The following LRBA variants were observed in gnomAD, a reference collection of about 807,000 sequenced individuals.
The protein encoded by LRBA is LPS responsive beige-like anchor protein, also known as lipopolysaccharide-responsive and beige-like anchor protein.
LRBA carries 176 observed loss-of-function variants against 330.0 expected under a neutral mutation model. The ratio of observed to expected loss-of-function variants is 0.53; its 90% CI spans 0.47 to 0.60. LRBA has a LOEUF of 0.60. LRBA is among the 20% of genes least tolerant of loss of function. LRBA has a pLI of 0.00. For synonymous variants in LRBA, 1,230 were observed against 1,193.0 expected (o/e 1.03, Z -0.64); for missense variants, 3,259 against 3,444.8 (o/e 0.95, Z 1.35).
At chr4:150,652,714 G>A (rs923634514) in intron 37 of LRBA, among the ~76,000 whole-genome samples, 7 of 152,026 alleles carry the variant, frequency 4.6e-5, no homozygotes, top group African/African-American at 1.7e-4. Flanking sequence ...TCCAAATCCA[G>A]TGAGCATTTT....
intron 40 of LRBA, among the ~76,000 whole-genome samples, chr4:150,578,064 T>C (rs1770764575): frequency 6.6e-6 from 1 of 152,230 alleles, no homozygotes; most frequent in South Asian, 2.1e-4. Flanking sequence ...ACTTCCATAC[T>C]GTTTTCCTAT....
chr4:150,592,159 T>TG (rs1554061680), intron 38 of LRBA, among the ~76,000 whole-genome samples: 1 of 143,914 alleles, frequency 6.9e-6, no homozygotes, highest in Admixed American at 7.0e-5. Context: ...TTTTTTTTTT[T>TG]TTTTTTTTTT....
At chr4:151,002,441 T>G (rs1014187421) in intron 2 of LRBA, among the ~76,000 whole-genome samples, 5 of 151,670 alleles carry the variant, frequency 3.3e-5, no homozygotes, top group Non-Finnish European at 7.4e-5. Context: ...GGTGGGTGCC[T>G]GTAATCCCAG....
intron 56 of LRBA, among the ~76,000 whole-genome samples, chr4:150,270,816 CATATGCAGAG>C (rs1387566002): frequency 2.0e-5 from 3 of 152,144 alleles, no homozygotes; most frequent in Admixed American, 1.3e-4. Context: ...GGGGACTCTC[CATATGCAGAG>C]ATATGCAGAG....
At chr4:150,888,634 C>T (rs550995107) in intron 17 of LRBA, among the ~76,000 whole-genome samples, 9 of 151,760 alleles carry the variant, frequency 5.9e-5, no homozygotes, top group Non-Finnish European at 1.0e-4. Context: ...AAAAAAGTTA[C>T]ACAAAGAGAT....
intron 33 of LRBA, among the ~76,000 whole-genome samples, chr4:150,803,253 C>A (rs7677186): frequency 0.089 from 13,421 of 151,244 alleles, 1,028 homozygotes; most frequent in African/African-American, 0.22. Flanking sequence ...AAGAAAATGT[C>A]TTTTTTTACA....
rs142118671 is a variant in LRBA at position 150,982,915 on chromosome 4, G to A, written c.216+31512C>T. ...CACAAAAGGTGCAGAACTGGAAAGT[G>A]GGAGAAGAAAACTGTATACCAAATT... On this transcript the variant is annotated intron_variant, in intron 2 of 56. Transcript: ENST00000651943. 2.7e-3 allele frequency among the ~76,000 whole-genome samples: 409 copies of A among 152,240 alleles called. 2 individuals carry two copies. Among genetic ancestry groups the A allele is most frequent in the African/African-American group, 6.9e-3 (288 of 41,538 alleles).
At chr4:150,838,412 T>C (rs1291397522) in intron 28 of LRBA, among the ~76,000 whole-genome samples, 1 of 152,216 alleles carries the variant, frequency 6.6e-6, no homozygotes, top group African/African-American at 2.4e-5. Flanking sequence ...ACTCTCCCCA[T>C]CACTTTCAGG....
At chr4:150,786,374 G>A (rs1739061142) in intron 34 of LRBA, among the ~76,000 whole-genome samples, 1 of 151,634 alleles carries the variant, frequency 6.6e-6, no homozygotes, top group East Asian at 1.9e-4. Flanking sequence ...CTCCCGAGCA[G>A]CTGGGACTAC....
At chr4:150,328,902 C>G (rs1223574040) in intron 48 of LRBA, among the ~76,000 whole-genome samples, 1 of 152,140 alleles carries the variant, frequency 6.6e-6, no homozygotes, top group Non-Finnish European at 1.5e-5. Flanking sequence ...TTTAATATAA[C>G]TGGCCTTAAT....
chr4:150,828,922 G>GGTGTGTGTGTGTGTGTGTGT (rs753950457), intron 29 of LRBA, among the ~76,000 whole-genome samples: 8 of 106,234 alleles, frequency 7.5e-5, no homozygotes, highest in African/African-American at 1.8e-4. Flanking sequence ...CTTTTTTGGG[G>GGTGTGTGTGTGTGTGTGTGT]GTGTGTGTGT....
At chr4:150,890,807 C>G (rs1729382669) in intron 17 of LRBA, among the ~76,000 whole-genome samples, 1 of 152,132 alleles carries the variant, frequency 6.6e-6, no homozygotes, top group Non-Finnish European at 1.5e-5. Context: ...AATTCACACA[C>G]TAAGACTAAA....
chr4:150,871,437 T>C lies in LRBA; in HGVS notation c.2275A>G (p.Met759Val). 2 of 1,607,846 alleles carry C rather than the reference T, an allele frequency of 1.2e-6. No individual in the cohort carries two copies. Among genetic ancestry groups the C allele is most frequent in the South Asian group, 1.1e-5 (1 of 90,746 alleles). ...AATGAAAACAATCCATGTCCAAGCATGACTTCTGCTTTCCTCCTGCAATTA... is the reference window on the plus strand; with the variant it reads ...AATGAAAACAATCCATGTCCAAGCACGACTTCTGCTTTCCTCCTGCAATTA... The part of the protein sequence containing the change: ...HLAPKRKAEV[M>V]LGHGLFSLLA... The change falls in exon 19 of 57, where the codon ATG becomes GTG. Residue 759 changes from methionine to valine, a missense_variant. By Grantham distance (21) the Met-to-Val change is conservative. Coordinates refer to ENST00000651943, the MANE Select transcript of LRBA (RefSeq NM_001364905.1).
chr4:150,997,708 T>A (rs1033868133), intron 2 of LRBA, among the ~76,000 whole-genome samples: 2 of 152,176 alleles, frequency 1.3e-5, no homozygotes, highest in East Asian at 1.9e-4. Context: ...TTTTTTTTTT[T>A]AATAATCCTT....
intron 37 of LRBA, among the ~76,000 whole-genome samples, chr4:150,681,592 G>A (rs1239820765): frequency 6.6e-6 from 1 of 152,132 alleles, no homozygotes; most frequent in Non-Finnish European, 1.5e-5. Context: ...GTTACATATT[G>A]TTTTTTAATG....
chr4:150,449,977 ACC>A (rs1365183987), intron 44 of LRBA, among the ~76,000 whole-genome samples: 1 of 151,966 alleles, frequency 6.6e-6, no homozygotes, highest in Non-Finnish European at 1.5e-5. Context: ...TGACCTCAAC[ACC>A]CCAATTAAAA....
chr4:150,302,136 C>G (rs1030507961), intron 53 of LRBA, among the ~76,000 whole-genome samples: 2 of 152,126 alleles, frequency 1.3e-5, no homozygotes, highest in Admixed American at 1.3e-4. Flanking sequence ...TTTTCATTTC[C>G]CATCTGAAAA....
chr4:150,471,785 TAATA>T, intron 42 of LRBA, 46 bp from the exon 43 acceptor site: 1 of 861,622 alleles, frequency 1.2e-6, no homozygotes, highest in Non-Finnish European at 1.9e-6. Context: ...TATATCACAA[TAATA>T]AATCATGAAT....
At chr4:150,636,702 C>T (rs1410361650) in intron 37 of LRBA, among the ~76,000 whole-genome samples, 2 of 152,184 alleles carry the variant, frequency 1.3e-5, no homozygotes, top group African/African-American at 4.8e-5. Flanking sequence ...AGCTGGAGTG[C>T]AGTGACACAA....
Sources: gnomAD v4.1 joint callset for allele counts (sites outside exome capture counted in the v4.1 genomes callset) on GRCh38, gnomAD v4.1.1 for gene constraint, MANE v1.5 for transcripts, NCBI Gene and HGNC (gene_info 2026-07-23, HGNC 2026-07-21) for gene names.